The following GBX2 variants were observed in gnomAD, a reference collection of about 807,000 sequenced individuals.
GBX2 encodes homeobox protein GBX-2.
In GBX2, 5 loss-of-function variants were observed where a neutral mutation model predicts 22.4. The ratio of observed to expected loss-of-function variants is 0.22; its 90% CI spans 0.12 to 0.47. The LOEUF is 0.47. Among genes scored for constraint, GBX2 ranks in the 20% least tolerant of loss-of-function variants. The probability of loss-of-function intolerance (pLI) is 0.99; values close to 1 mark genes in which losing one functional copy is unlikely to be tolerated. For synonymous variants in GBX2, 220 were observed against 230.5 expected, an observed-to-expected ratio of 0.95 and a Z score of 0.41; for missense variants, 470 against 495.4, an observed-to-expected ratio of 0.95 and a Z score of 0.49.
At position 236,166,115 on chromosome 2, in the gene GBX2, G is replaced by T. The variant is rs1290173786; in HGVS notation, c.846C>A (p.His282Gln). The T allele has an allele frequency of 6.2e-7, 1 of 1,614,222 alleles. No individual in the cohort carries two copies. The highest frequency in any genetic ancestry group is 8.5e-7 in the Non-Finnish European group (1 of 1,180,040). Residue 282 changes from histidine (H) to glutamine (Q), a missense_variant, in exon 2 of 2, where the codon CAC (histidine) becomes CAA (glutamine). Transcript: ENST00000306318. This position sits in a 1 kb window ranked among gnomAD's most constrained non-coding sequence, Gnocchi z 6.6. ...CCTGCACCTCGCTGAGTTTGAGGGC[G>T]TGGGCGATCTGCGAGCGCTCGGTCA... The part of the protein sequence containing the change: ...LSLTERSQIA[H>Q]ALKLSEVQVK...
chr2:236,163,310 G>C (rs1369064523), downstream of GBX2, among the ~76,000 whole-genome samples: 1 of 152,050 alleles, frequency 6.6e-6, no homozygotes, highest in Middle Eastern at 3.2e-3. Context: ...GAGGGAGGGC[G>C]GCATCGGCCA....
chr2:236,164,214 C>G (rs115721696), downstream of GBX2, among the ~76,000 whole-genome samples: 1,328 of 152,266 alleles, frequency 8.7e-3, 24 homozygotes, highest in African/African-American at 0.031. Context: ...TCCCCTTCTT[C>G]GGCTGAGAAC....
In GBX2 at chr2:236,166,788, G is replaced by C. The variant is rs1485070553; in HGVS notation, c.524-351C>G. ...TTGCCCGCTTTGTCCCTGGGGTGGG[G>C]ACTGGTTGAGGACTGATGGGGGGAT... On this transcript the variant is annotated intron_variant, in intron 1 of 1. Coordinates refer to ENST00000306318, the MANE Select transcript of GBX2 (RefSeq NM_001485.4). The surrounding 1 kb of genome is among the most constrained non-coding windows in gnomAD (Gnocchi z 6.6). Among the ~76,000 whole-genome samples, 1 of 152,162 alleles carries C rather than the reference G, an allele frequency of 6.6e-6. No homozygotes were observed. Among genetic ancestry groups the C allele is most frequent in the Non-Finnish European group, 1.5e-5 (1 of 68,036 alleles).
In GBX2 at chr2:236,166,832, C is replaced by A. The variant is rs1360291058; in HGVS notation, c.524-395G>T. Among the ~76,000 whole-genome samples the A allele has an allele frequency of 6.6e-6, 1 of 152,170 alleles. No homozygotes were observed. Among genetic ancestry groups the A allele is most frequent in the Non-Finnish European group, 1.5e-5 (1 of 68,030 alleles). ...GGGGGATTCACGATTCATCCTCCCC[C>A]CACCGCCACCATGAAAATGTAGTGA... On this transcript the variant is annotated intron_variant, in intron 1 of 1. Transcript: ENST00000306318. The surrounding 1 kb of genome is among the most constrained non-coding windows in gnomAD (Gnocchi z 6.6).
chr2:236,167,146 C>A (rs1396152248), intron 1 of GBX2: 7 of 1,535,510 alleles, frequency 4.6e-6, no homozygotes, highest in South Asian at 1.2e-5. Flanking sequence ...ACCCGGAACC[C>A]CAGGTCACCG....
At chr2:236,163,554 AG>A (rs1403908131), downstream of GBX2, among the ~76,000 whole-genome samples, 3 of 152,062 alleles carry the variant, frequency 2.0e-5, no homozygotes, top group African/African-American at 7.2e-5. Flanking sequence ...TTATGGTGGA[AG>A]GGGATATGGG....
chr2:236,161,672 G>T (rs973005321), downstream of GBX2, among the ~76,000 whole-genome samples: 25 of 152,210 alleles, frequency 1.6e-4, no homozygotes, highest in African/African-American at 5.3e-4. Context: ...ACCTGCTCTG[G>T]CTGTGCATGC....
At chr2:236,163,350 G>C (rs756248345), downstream of GBX2, among the ~76,000 whole-genome samples, 52 of 152,110 alleles carry the variant, frequency 3.4e-4, no homozygotes, top group Non-Finnish European at 6.0e-4. Context: ...TCTCCTCCTC[G>C]TGCCTCCATA....
chr2:236,161,979 G>A (rs2060215656), downstream of GBX2, among the ~76,000 whole-genome samples: 1 of 152,240 alleles, frequency 6.6e-6, no homozygotes, highest in Admixed American at 6.5e-5. Flanking sequence ...AGAACCACCC[G>A]CCATGGGGCA....
chr2:236,167,298 G>C, intron 1 of GBX2, 151 bp downstream of exon 1: 3 of 1,402,282 alleles, frequency 2.1e-6, no homozygotes, highest in South Asian at 1.2e-5. Context: ...CGGAGGCCCA[G>C]CGGCACAGCC....
downstream of GBX2, among the ~76,000 whole-genome samples, chr2:236,163,913 C>T (rs966612728): frequency 6.6e-6 from 1 of 152,094 alleles, no homozygotes; most frequent in Non-Finnish European, 1.5e-5. Context: ...CTGGGCGGGG[C>T]GCGGCCAGGA....
downstream of GBX2, among the ~76,000 whole-genome samples, chr2:236,163,440 GTGGGCTTCGC>G (rs2060221943): frequency 6.6e-6 from 1 of 152,232 alleles, no homozygotes; most frequent in Non-Finnish European, 1.5e-5. Flanking sequence ...CCGGTTCCTA[GTGGGCTTCGC>G]TTTCCCGCCG....
In GBX2 at chr2:236,166,236, G is replaced by C; in HGVS notation, c.725C>G (p.Thr242Arg). 6.2e-7 allele frequency: 1 copy of C among 1,613,672 alleles called. No individual in the cohort carries two copies. The highest frequency in any genetic ancestry group is 8.5e-7 in the Non-Finnish European group (1 of 1,179,962). The change falls in exon 2 of 2, where the codon ACG becomes AGG. Residue 242 changes from threonine to arginine, a missense_variant. Physicochemically the swap from Thr to Arg is moderately conservative, Grantham distance 71. Around this residue, in one of 4 missense-constraint regions of GBX2, gnomAD observed 377 missense variants for 358.6 expected, o/e 1.05. Coordinates refer to ENST00000306318, the MANE Select transcript of GBX2 (RefSeq NM_001485.4). This position sits in a 1 kb window ranked among gnomAD's most constrained non-coding sequence, Gnocchi z 6.6. ...PPSSGAAGST[T>R]STGKNRRRRT... ...CCGCCGCCGGTTCTTGCCCGTAGACGTGGTGCTGCCCGCGGCGCCGCTGCT... is the reference window on the plus strand; with the variant it reads ...CCGCCGCCGGTTCTTGCCCGTAGACCTGGTGCTGCCCGCGGCGCCGCTGCT...
chr2:236,167,982 G>C lies in GBX2; in HGVS notation c.-11C>G. On this transcript the variant is annotated 5_prime_UTR_variant, in exon 1 of 2. Coordinates refer to ENST00000306318, the MANE Select transcript of GBX2 (RefSeq NM_001485.4). ...GAACGCTGCGCTCATAGACGCGCTC[G>C]GTAGAGGCCAGCGAGAGGCGAAAAG... The C allele has an allele frequency of 6.5e-7, 1 of 1,542,988 alleles. No individual in the cohort carries two copies. Among genetic ancestry groups the C allele is most frequent in the Non-Finnish European group, 8.7e-7 (1 of 1,147,934 alleles).
downstream of GBX2, among the ~76,000 whole-genome samples, chr2:236,163,541 C>T (rs2060222346): frequency 6.6e-6 from 1 of 152,186 alleles, no homozygotes; most frequent in African/African-American, 2.4e-5. Flanking sequence ...GGGGTTACAC[C>T]TGTTATGGTG....
downstream of GBX2, among the ~76,000 whole-genome samples, chr2:236,164,046 C>A (rs1271882986): frequency 6.6e-6 from 1 of 152,212 alleles, no homozygotes; most frequent in Non-Finnish European, 1.5e-5. Flanking sequence ...GTTGGGAACG[C>A]GGCGGGAAAG....
At position 236,166,597 on chromosome 2, in the gene GBX2, G is replaced by A. The variant is rs2060240617; in HGVS notation, c.524-160C>T. 6.6e-6 allele frequency among the ~76,000 whole-genome samples: 1 copy of A among 151,786 alleles called. No homozygotes were observed. Among genetic ancestry groups the A allele is most frequent in the Non-Finnish European group, 1.5e-5 (1 of 67,988 alleles). On this transcript the variant is annotated intron_variant, in intron 1 of 1. Coordinates refer to ENST00000306318, the MANE Select transcript of GBX2 (RefSeq NM_001485.4). This position sits in a 1 kb window ranked among gnomAD's most constrained non-coding sequence, Gnocchi z 6.6. ...ATTGTGATTTCCTGGCCTTTGAGGGGTAGAGGAGGGGTGGGGGGAGCGTGA... is the reference window on the plus strand; with the variant it reads ...ATTGTGATTTCCTGGCCTTTGAGGGATAGAGGAGGGGTGGGGGGAGCGTGA...
chr2:236,167,946 A>G lies in GBX2; in HGVS notation c.26T>C (p.Leu9Pro), dbSNP rs1373461505. Residue 9 changes from leucine to proline, a missense_variant, in exon 1 of 2, where the codon CTG becomes CCG. Leu to Pro is a moderately conservative substitution (Grantham distance 98). Coordinates refer to ENST00000306318, the MANE Select transcript of GBX2 (RefSeq NM_001485.4). MSAAFPPS[L>P]MMMQRPLGSS... Reference sequence around the variant, plus strand: ...CCCCAGCGGGCGCTGCATCATCATCAGCGACGGCGGGAACGCTGCGCTCAT... The same window carrying G: ...CCCCAGCGGGCGCTGCATCATCATCGGCGACGGCGGGAACGCTGCGCTCAT... 1 of 1,561,748 alleles carries G rather than the reference A, an allele frequency of 6.4e-7. No homozygotes were observed. Among genetic ancestry groups the G allele is most frequent in the Admixed American group, 1.8e-5 (1 of 54,446 alleles).
downstream of GBX2, among the ~76,000 whole-genome samples, chr2:236,161,812 G>A (rs187918770): frequency 1.3e-5 from 2 of 152,366 alleles, no homozygotes; most frequent in East Asian, 3.9e-4. Flanking sequence ...GCAGGGGAAA[G>A]AAGAGGGCCC....
Sources: allele counts gnomAD v4.1 joint callset (sites outside exome capture counted in the v4.1 genomes callset), GRCh38; gene constraint gnomAD v4.1.1; regional missense constraint gnomAD v4.1.1; non-coding constraint Gnocchi (gnomAD v3.1); transcripts MANE v1.5; gene names NCBI Gene and HGNC (gene_info 2026-07-23, HGNC 2026-07-21).